HLCS: variants seen among roughly 807,000 people sequenced by gnomAD.
The protein encoded by HLCS is holocarboxylase synthetase.
A neutral mutation model predicts 75.0 loss-of-function variants in HLCS; 53 were observed. That is an observed-to-expected ratio of 0.71 (90% CI 0.57 to 0.89). HLCS has a LOEUF of 0.89. Ranked by LOEUF, HLCS falls within the 40% of genes least tolerant of loss-of-function variation. HLCS has a pLI of 0.00. For synonymous variants in HLCS, 431 were observed against 428.6 expected (o/e 1.01, Z -0.07); for missense variants, 966 against 1,074.0 (o/e 0.90, Z 1.41).
intron 2 of HLCS, among the ~76,000 whole-genome samples, chr21:36,951,504 C>A (rs532112468): frequency 6.6e-6 from 1 of 152,334 alleles, no homozygotes; most frequent in Admixed American, 6.5e-5. Flanking sequence ...CCTATCCATG[C>A]CTTCTATAGT....
intron 2 of HLCS, among the ~76,000 whole-genome samples, chr21:36,960,142 C>CCCT (rs2068212840): frequency 8.3e-6 from 1 of 120,480 alleles, no homozygotes; most frequent in African/African-American, 3.1e-5. Context: ...CCCCCCCCCC[C>CCCT]CCCGACCCTG....
intron 6 of HLCS, among the ~76,000 whole-genome samples, chr21:36,806,829 C>G (rs1200912390): frequency 6.6e-6 from 1 of 152,216 alleles, no homozygotes; most frequent in African/African-American, 2.4e-5. Context: ...TCTGGGTTGG[C>G]TCAGCAGGAT....
At chr21:36,922,794 C>T (rs1409056272) in intron 5 of HLCS, among the ~76,000 whole-genome samples, 2 of 152,204 alleles carry the variant, frequency 1.3e-5, no homozygotes, top group South Asian at 2.1e-4. Flanking sequence ...AACTGCCTGT[C>T]AGTTTTGAAA....
chr21:36,909,585 T>C (rs2065613425), intron 5 of HLCS, among the ~76,000 whole-genome samples: 1 of 152,204 alleles, frequency 6.6e-6, no homozygotes, highest in Admixed American at 6.5e-5. Flanking sequence ...TGTTATACTG[T>C]GTCTCGCCAC....
chr21:36,954,834 G>A (rs573853471), intron 2 of HLCS, among the ~76,000 whole-genome samples: 3 of 151,986 alleles, frequency 2.0e-5, no homozygotes, highest in East Asian at 3.9e-4. Context: ...AGGCCGAGGC[G>A]GGGGGATCAC....
At chr21:36,956,200 G>A (rs1440493810) in intron 2 of HLCS, among the ~76,000 whole-genome samples, 1 of 152,152 alleles carries the variant, frequency 6.6e-6, no homozygotes, top group Non-Finnish European at 1.5e-5. Context: ...AAACTGGGAG[G>A]AGGGGTAGGG....
intron 1 of HLCS, among the ~76,000 whole-genome samples, chr21:36,977,137 C>A (rs970171027): frequency 7.2e-5 from 11 of 151,836 alleles, no homozygotes; most frequent in African/African-American, 2.7e-4. Flanking sequence ...CCTAGTTGAC[C>A]ACTAGAGAGC....
At position 36,767,263 on chromosome 21, in the gene HLCS, C is replaced by T. The variant is rs2090072295; in HGVS notation, c.1915G>A (p.Glu639Lys). 6.2e-7 allele frequency: 1 copy of T among 1,614,076 alleles called. No homozygotes were observed. ...GCCGCGATCACTATTAAGCCCATTT[C>T]CTGCGGTGTCTGAAACATCAGCCTG... ...LDGLMFQTPQ[E>K]MGLIVIAARQ... The change falls in exon 7 of 11, where the codon GAA becomes AAA. Residue 639 changes from glutamate to lysine, a missense_variant. Glu to Lys is a moderately conservative substitution (Grantham distance 56, BLOSUM62 1). Transcript: ENST00000674895.
intron 5 of HLCS, among the ~76,000 whole-genome samples, chr21:36,901,234 C>G (rs1031215315): frequency 6.6e-6 from 1 of 151,892 alleles, no homozygotes; most frequent in African/African-American, 2.4e-5. Flanking sequence ...CAGAGAAAGA[C>G]TCGGTCTCAA....
intron 6 of HLCS, among the ~76,000 whole-genome samples, chr21:36,818,818 T>C (rs2061739692): frequency 6.6e-6 from 1 of 152,184 alleles, no homozygotes; most frequent in Non-Finnish European, 1.5e-5. Flanking sequence ...GGCTGAGCAT[T>C]TATACAGGCA....
In HLCS at chr21:36,762,354, G is replaced by A. The variant is rs945820363; in HGVS notation, c.2122-2513C>T. 5.3e-5 allele frequency among the ~76,000 whole-genome samples: 8 copies of A among 152,324 alleles called. 1 individual carries two copies. Among genetic ancestry groups the A allele is most frequent in the Admixed American group, 3.3e-4 (5 of 15,296 alleles). ...TTTAAGAAGCAGAGAAGAGAGCAGG[G>A]GTAGGGGTGTGTGGGTGGAGGGAGG... On this transcript the variant is annotated intron_variant, in intron 8 of 10. Transcript: ENST00000674895.
chr21:36,767,821 T>A (rs1030545184), intron 6 of HLCS, among the ~76,000 whole-genome samples: 1 of 152,226 alleles, frequency 6.6e-6, no homozygotes. Context: ...GATTTAACTA[T>A]GGTAAATAAA....
intron 5 of HLCS, among the ~76,000 whole-genome samples, chr21:36,906,125 T>C (rs2065444467): frequency 2.0e-5 from 3 of 152,080 alleles, no homozygotes; most frequent in Non-Finnish European, 1.5e-5. Flanking sequence ...CCTGAACTTC[T>C]TTAAAATATC....
At chr21:36,802,737 T>G (rs1476625625) in intron 6 of HLCS, among the ~76,000 whole-genome samples, 1 of 152,192 alleles carries the variant, frequency 6.6e-6, no homozygotes, top group Non-Finnish European at 1.5e-5. Flanking sequence ...ATGACAGAAG[T>G]AGGGTTACCT....
intron 2 of HLCS, among the ~76,000 whole-genome samples, chr21:36,956,234 G>T (rs2146631107): frequency 6.6e-6 from 1 of 152,224 alleles, no homozygotes; most frequent in African/African-American, 2.4e-5. Flanking sequence ...AGGAGCAGGA[G>T]CAAGTAGATG....
chr21:36,840,711 C>G (rs969543738), intron 6 of HLCS, among the ~76,000 whole-genome samples: 2 of 152,252 alleles, frequency 1.3e-5, no homozygotes, highest in African/African-American at 2.4e-5. Flanking sequence ...CTCCCAGGTT[C>G]AAGAGATTCT....
chr21:36,799,161 T>C (rs1306414053), intron 6 of HLCS, among the ~76,000 whole-genome samples: 1 of 152,238 alleles, frequency 6.6e-6, no homozygotes, highest in Non-Finnish European at 1.5e-5. Context: ...TAAATTTAGG[T>C]CTATGATCCG....
intron 5 of HLCS, among the ~76,000 whole-genome samples, chr21:36,900,012 CAAG>C (rs2146347585): frequency 6.6e-6 from 1 of 151,116 alleles, no homozygotes; most frequent in South Asian, 2.1e-4. Context: ...GGCTGAGGCA[CAAG>C]AATCACTTGA....
At chr21:36,865,839 T>C (rs2063536491) in intron 6 of HLCS, among the ~76,000 whole-genome samples, 1 of 152,244 alleles carries the variant, frequency 6.6e-6, no homozygotes, top group Non-Finnish European at 1.5e-5. Flanking sequence ...TTCTCTTATA[T>C]CTCACATCTG....
Sources: allele counts gnomAD v4.1 joint callset (sites outside exome capture counted in the v4.1 genomes callset), GRCh38; gene constraint gnomAD v4.1.1; transcripts MANE v1.5; gene names NCBI Gene and HGNC (gene_info 2026-07-23, HGNC 2026-07-21).